LRRC49: variants seen among roughly 807,000 people sequenced by gnomAD.
LRRC49 encodes leucine-rich repeat-containing protein 49.
Under a neutral mutation model 83.3 loss-of-function variants are expected in LRRC49, and 50 were observed. That is an observed-to-expected ratio of 0.60 (90% CI 0.48 to 0.76). The LOEUF (loss-of-function observed/expected upper bound fraction) is 0.76, where lower values mean the gene tolerates loss of function less well. LRRC49 is among the 30% of genes least tolerant of loss of function. The pLI, the probability that LRRC49 is intolerant of heterozygous loss-of-function variation, is 0.00. For missense variants in LRRC49, 704 were observed against 809.1 expected, an observed-to-expected ratio of 0.87 and a Z score of 1.58; for synonymous variants, 286 against 283.3, an observed-to-expected ratio of 1.01 and a Z score of -0.10.
chr15:71,053,105 GA>G lies in LRRC49; in HGVS notation c.*3494del, dbSNP rs1415793753. 6.6e-6 allele frequency: 1 copy of G among 152,184 alleles called. No homozygotes were observed. The allele number at this position is 152,184 out of a possible 1,614,324, so 9.4% of individuals were successfully genotyped here. ...ATAATGTGTAGAGAATCAACTTCAG[GA>G]GGGGGCAATAATTAAATTAGGGGGA... On this transcript the variant is annotated 3_prime_UTR_variant, in exon 16 of 16. Coordinates refer to ENST00000260382, the MANE Select transcript of LRRC49 (RefSeq NM_017691.5).
At chr15:70,865,949 G>A (rs1057259365) in intron 1 of LRRC49, among the ~76,000 whole-genome samples, 7 of 152,014 alleles carry the variant, frequency 4.6e-5, no homozygotes, top group African/African-American at 1.7e-4. Flanking sequence ...TAATAAGTAG[G>A]TTCATAGCAT....
Position 70,911,615 on chromosome 15 carries a change from T to C in LRRC49, c.567+17T>C. The C allele has an allele frequency of 6.9e-7, 1 of 1,452,556 alleles. No homozygotes were observed. Among genetic ancestry groups the C allele is most frequent in the Non-Finnish European group, 9.3e-7 (1 of 1,076,082 alleles). 90.0% of individuals were successfully genotyped at this position (1,452,556 alleles called of 1,614,324 possible). A position where few individuals can be genotyped will look rare whatever the true frequency, so the allele number is the denominator to read the frequency against. On this transcript the variant is annotated intron_variant, in intron 6 of 15. Transcript: ENST00000260382. ...GGAAATCAGGTATTGTAAAGCCCTTTCATTTCTTTCTTTTTTGAAAAAAAG... is the reference window on the plus strand; with the variant it reads ...GGAAATCAGGTATTGTAAAGCCCTTCCATTTCTTTCTTTTTTGAAAAAAAG...
chr15:70,923,200 A>C (rs2035070473), intron 7 of LRRC49, among the ~76,000 whole-genome samples: 1 of 151,884 alleles, frequency 6.6e-6, no homozygotes, highest in Non-Finnish European at 1.5e-5. Flanking sequence ...TGGATTTTTT[A>C]TTCTATGGCC....
At chr15:70,965,401 C>A (rs956293199) in intron 9 of LRRC49, among the ~76,000 whole-genome samples, 4 of 152,016 alleles carry the variant, frequency 2.6e-5, no homozygotes, top group Admixed American at 2.0e-4. Context: ...CAATATTGTT[C>A]TTTACAGCAA....
intron 11 of LRRC49, among the ~76,000 whole-genome samples, chr15:70,990,846 T>C (rs776689999): frequency 6.6e-6 from 1 of 152,208 alleles, no homozygotes; most frequent in Non-Finnish European, 1.5e-5. Flanking sequence ...CCCTGCACTA[T>C]TTCTCTGATC....
intron 9 of LRRC49, among the ~76,000 whole-genome samples, chr15:70,965,378 T>C (rs2036759078): frequency 6.6e-6 from 1 of 152,130 alleles, no homozygotes; most frequent in Non-Finnish European, 1.5e-5. Context: ...CATTGAACTT[T>C]TACCAGTTAT....
In LRRC49 at chr15:70,936,821, AG is replaced by A. The variant is rs1313306251; in HGVS notation, c.773+1del. Reference sequence around the variant, plus strand: ...CTTTCTCAGCTTTAACAATATATCTAGGTAAGTGGAAACTCCCAAGTTGTCA... The same window carrying A: ...CTTTCTCAGCTTTAACAATATATCTAGTAAGTGGAAACTCCCAAGTTGTCA... ...HLFLSFNNIS[S>X]FDSVSCLADS... is the part of the protein sequence containing the mutation. On this transcript the variant is annotated frameshift_variant and splice_region_variant, in exon 8 of 16. Transcript: ENST00000260382. LOFTEE classifies it high-confidence loss of function. 1 of 1,600,604 alleles carries A rather than the reference AG, an allele frequency of 6.2e-7. No individual in the cohort carries two copies. Among genetic ancestry groups the A allele is most frequent in the Non-Finnish European group, 8.6e-7 (1 of 1,168,270 alleles).
At chr15:70,979,144 C>A (rs940148322) in intron 9 of LRRC49, among the ~76,000 whole-genome samples, 1 of 151,790 alleles carries the variant, frequency 6.6e-6, no homozygotes. Context: ...TGACAGTCTT[C>A]GGGGGAAAAA....
intron 7 of LRRC49, among the ~76,000 whole-genome samples, chr15:70,935,291 A>G (rs1398366865): frequency 2.2e-4 from 33 of 152,190 alleles, no homozygotes. Flanking sequence ...TTGATTTTAC[A>G]CTGTTTAGGG....
At chr15:71,001,332 T>C (rs2038245662) in intron 11 of LRRC49, among the ~76,000 whole-genome samples, 1 of 152,158 alleles carries the variant, frequency 6.6e-6, no homozygotes, top group Non-Finnish European at 1.5e-5. Flanking sequence ...GTGAGAGAAG[T>C]AGGTGGGAGA....
intron 15 of LRRC49, among the ~76,000 whole-genome samples, chr15:71,040,235 A>G (rs1463255535): frequency 2.0e-5 from 3 of 152,204 alleles, no homozygotes; most frequent in Admixed American, 6.5e-5. Context: ...GATAAATGGA[A>G]ATTGCATAGT....
chr15:71,001,574 A>G lies in LRRC49; in HGVS notation c.1170-6805A>G, dbSNP rs536729391. Among the ~76,000 whole-genome samples the G allele has an allele frequency of 3.3e-5, 5 of 152,094 alleles. No individual in the cohort carries two copies. The South Asian group carries it at 8.3e-4, about 25-fold the overall frequency. On this transcript the variant is annotated intron_variant, in intron 11 of 15. Coordinates refer to ENST00000260382, the MANE Select transcript of LRRC49 (RefSeq NM_017691.5). ...AATTTTCTGAAATCTCCTGCTGCCA[A>G]TAGTCTTCCCCTACTGCACTTGTTG...
intron 1 of LRRC49, chr15:70,854,250 C>CGCCGGG (rs2032588813): frequency 3.7e-6 from 1 of 271,854 alleles, no homozygotes; most frequent in Non-Finnish European, 5.6e-6. Flanking sequence ...CCGCCGCCGC[C>CGCCGGG]GCCGCCGCCG....
upstream of LRRC49, chr15:70,892,509 ACAAG>A (rs1388602800): frequency 6.6e-7 from 1 of 1,524,372 alleles, no homozygotes; most frequent in East Asian, 2.5e-5. Context: ...GCCAGTGGAC[ACAAG>A]CAGAGGGATA....
chr15:71,038,161 A>G (rs1226048899), intron 15 of LRRC49, among the ~76,000 whole-genome samples: 3 of 152,196 alleles, frequency 2.0e-5, no homozygotes, highest in South Asian at 2.1e-4. Context: ...AAGTATATCT[A>G]TAGATCCCCT....
At chr15:70,971,797 CTTTTTTTT>C (rs56230666) in intron 9 of LRRC49, among the ~76,000 whole-genome samples, 1 of 82,268 alleles carries the variant, frequency 1.2e-5, no homozygotes, top group Non-Finnish European at 2.2e-5. Context: ...GTAACCACTC[CTTTTTTTT>C]TTTTTTTTTT....
chr15:70,893,995 A>G (rs1441186080), intron 2 of LRRC49, among the ~76,000 whole-genome samples: 1 of 152,024 alleles, frequency 6.6e-6, no homozygotes, highest in Non-Finnish European at 1.5e-5. Flanking sequence ...CCCAGGCTCA[A>G]GCGATCCTCC....
chr15:70,987,483 C>G (rs966649066), intron 11 of LRRC49, among the ~76,000 whole-genome samples: 1 of 151,986 alleles, frequency 6.6e-6, no homozygotes, highest in East Asian at 1.9e-4. Flanking sequence ...GTGGTGATAT[C>G]CCCTTTATCA....
At chr15:70,949,220 T>A (rs879667251) in intron 8 of LRRC49, among the ~76,000 whole-genome samples, 1 of 152,190 alleles carries the variant, frequency 6.6e-6, no homozygotes, top group African/African-American at 2.4e-5. Flanking sequence ...TCAGTTTACA[T>A]ACAACACACA....
Sources: allele counts gnomAD v4.1 joint callset (sites outside exome capture counted in the v4.1 genomes callset), GRCh38; gene constraint gnomAD v4.1.1; transcripts MANE v1.5; gene names NCBI Gene and HGNC (gene_info 2026-07-23, HGNC 2026-07-21).